ABL1: variants seen among roughly 807,000 people sequenced by gnomAD.
ABL1 encodes the protein ABL proto-oncogene 1, non-receptor tyrosine kinase.
In ABL1, 11 loss-of-function variants were observed where a neutral mutation model predicts 94.7. The observed-to-expected ratio is 0.12, with a 90% CI of 0.07 to 0.19. The LOEUF is 0.19. ABL1 is among the 10% of genes least tolerant of loss of function. ABL1 has a pLI of 1.00. For missense variants in ABL1, 1,082 were observed against 1,489.4 expected, an observed-to-expected ratio of 0.73 and a Z score of 4.50; for synonymous variants, 656 against 622.4, an observed-to-expected ratio of 1.05 and a Z score of -0.80.
At chr9:130,720,919 A>G (rs1461322261) in intron 1 of ABL1, among the ~76,000 whole-genome samples, 1 of 151,878 alleles carries the variant, frequency 6.6e-6, no homozygotes, top group Admixed American at 6.6e-5. Context: ...GTTGCCTTTT[A>G]TTGAAATGAA....
intron 1 of ABL1, among the ~76,000 whole-genome samples, chr9:130,847,173 A>T (rs1451831324): frequency 6.6e-6 from 1 of 152,208 alleles, no homozygotes; most frequent in Non-Finnish European, 1.5e-5. Context: ...TATGGTTTTA[A>T]GTGGAGTGAG....
chr9:130,807,186 T>G (rs146164099), intron 1 of ABL1, among the ~76,000 whole-genome samples: 15 of 152,232 alleles, frequency 9.9e-5, no homozygotes, highest in South Asian at 4.2e-4. Context: ...CATACCTGCA[T>G]GGTATTCTAT....
intron 1 of ABL1, among the ~76,000 whole-genome samples, chr9:130,805,471 G>C (rs113462530): frequency 6.6e-6 from 1 of 152,118 alleles, no homozygotes; most frequent in South Asian, 2.1e-4. Context: ...GGAATTTCTT[G>C]ACTGTTTACT....
chr9:130,773,873 A>G (rs1832282587), intron 1 of ABL1, among the ~76,000 whole-genome samples: 1 of 152,036 alleles, frequency 6.6e-6, no homozygotes, highest in Middle Eastern at 3.2e-3. Context: ...ATGCCCACAA[A>G]ACGATCACCA....
intron 4 of ABL1, among the ~76,000 whole-genome samples, chr9:130,868,677 C>T (rs907341550): frequency 1.4e-4 from 21 of 151,824 alleles, no homozygotes; most frequent in African/African-American, 4.3e-4. Context: ...CCTGCCACCA[C>T]GCCCGGCTAA....
At chr9:130,816,944 A>AT (rs1183642015) in intron 1 of ABL1, among the ~76,000 whole-genome samples, 1 of 151,908 alleles carries the variant, frequency 6.6e-6, no homozygotes, top group Non-Finnish European at 1.5e-5. Context: ...ACCTCAGGTG[A>AT]TTCCCCCCGC....
chr9:130,818,897 C>T (rs78733147), intron 1 of ABL1, among the ~76,000 whole-genome samples: 1,788 of 152,284 alleles, frequency 0.012, 18 homozygotes, highest in Non-Finnish European at 0.017. Flanking sequence ...CCCCCAAGAA[C>T]GCTTTCCTAA....
chr9:130,876,239 G>A (rs550065768), intron 7 of ABL1, among the ~76,000 whole-genome samples: 1 of 152,106 alleles, frequency 6.6e-6, no homozygotes, highest in Admixed American at 6.5e-5. Flanking sequence ...TTGCCAGGTA[G>A]GAATTCTCTA....
intron 1 of ABL1, among the ~76,000 whole-genome samples, chr9:130,815,106 G>A (rs977581291): frequency 6.6e-6 from 1 of 152,094 alleles, no homozygotes; most frequent in African/African-American, 2.4e-5. Flanking sequence ...GGCTGAGGCA[G>A]GTGGATCACC....
At chr9:130,852,400 A>T (rs1830882968) in intron 1 of ABL1, among the ~76,000 whole-genome samples, 1 of 152,006 alleles carries the variant, frequency 6.6e-6, no homozygotes, top group Non-Finnish European at 1.5e-5. Context: ...ACGGGGTTTC[A>T]CCGTGTTGCC....
At chr9:130,827,899 T>TAATA (rs200452899) in intron 1 of ABL1, among the ~76,000 whole-genome samples, 70,043 of 131,232 alleles carry the variant, frequency 0.53, 19,113 homozygotes, top group East Asian at 0.65. Flanking sequence ...GTCTCAAAAA[T>TAATA]AATAAATAAA....
chr9:130,808,984 G>A (rs546554790), intron 1 of ABL1, among the ~76,000 whole-genome samples: 1 of 152,158 alleles, frequency 6.6e-6, no homozygotes, highest in Non-Finnish European at 1.5e-5. Flanking sequence ...TTTAATGCTC[G>A]GAGAAAGTTT....
chr9:130,742,838 T>C (rs1459381847), intron 1 of ABL1, among the ~76,000 whole-genome samples: 2 of 151,998 alleles, frequency 1.3e-5, no homozygotes, highest in Admixed American at 6.6e-5. Flanking sequence ...CTTTATATTA[T>C]ATAATATATA....
chr9:130,768,504 C>T (rs1832211505), intron 1 of ABL1, among the ~76,000 whole-genome samples: 1 of 152,216 alleles, frequency 6.6e-6, no homozygotes, highest in African/African-American at 2.4e-5. Context: ...CTGCCCCCAG[C>T]TAGGCTGAAA....
intron 1 of ABL1, among the ~76,000 whole-genome samples, chr9:130,728,567 T>G (rs1831621422): frequency 6.6e-6 from 1 of 151,600 alleles, no homozygotes. Flanking sequence ...TTTGTATGTT[T>G]TTTTAGAAGA....
At chr9:130,839,878 A>C (rs1564306716) in intron 1 of ABL1, among the ~76,000 whole-genome samples, 2 of 152,178 alleles carry the variant, frequency 1.3e-5, no homozygotes, top group Non-Finnish European at 2.9e-5. Flanking sequence ...TCTTCTGCAC[A>C]GGCAGGCAGC....
At chr9:130,773,483 G>A (rs1421092822) in intron 1 of ABL1, among the ~76,000 whole-genome samples, 1 of 152,082 alleles carries the variant, frequency 6.6e-6, no homozygotes, top group Admixed American at 6.6e-5. Context: ...TTTTGAAATA[G>A]GGTCTTGCTC....
At chr9:130,729,023 T>G (rs772843693) in intron 1 of ABL1, among the ~76,000 whole-genome samples, 6 of 152,244 alleles carry the variant, frequency 3.9e-5, no homozygotes, top group Non-Finnish European at 8.8e-5. Flanking sequence ...GTTACTTAAA[T>G]TACTGTAAGT....
At chr9:130,713,576 C>A (rs1831398373) in exon 1 of ABL1, among the ~76,000 whole-genome samples, 1 of 152,210 alleles carries the variant, frequency 6.6e-6, no homozygotes, top group Non-Finnish European at 1.5e-5. Flanking sequence ...AGGGGTCTCC[C>A]CTTCCCCCAA....
Sources: allele counts gnomAD v4.1 joint callset (sites outside exome capture counted in the v4.1 genomes callset), GRCh38; gene constraint gnomAD v4.1.1; transcripts MANE v1.5; gene names NCBI Gene and HGNC (gene_info 2026-07-23, HGNC 2026-07-21).